OPCML: variants seen among roughly 807,000 people sequenced by gnomAD.
OPCML encodes the protein opioid-binding protein/cell adhesion molecule.
Under a neutral mutation model 37.8 loss-of-function variants are expected in OPCML, and 13 were observed. That is an observed-to-expected ratio of 0.34 (90% confidence interval 0.22 to 0.55). The LOEUF is 0.55. Ranked by LOEUF, OPCML falls within the 20% of genes least tolerant of loss-of-function variation. The pLI, the probability that OPCML is intolerant of heterozygous loss-of-function variation, is 0.91. For synonymous variants in OPCML, 176 were observed against 168.8 expected (o/e 1.04, Z -0.33); for missense variants, 341 against 435.6 (o/e 0.78, Z 1.93).
In OPCML at chr11:132,657,069, G is replaced by A; in HGVS notation, c.379+18C>T. The A allele has an allele frequency of 6.2e-7, 1 of 1,610,764 alleles. No homozygotes were observed. Among genetic ancestry groups the A allele is most frequent in the South Asian group, 1.1e-5 (1 of 90,712 alleles). On this transcript the variant is annotated intron_variant, in intron 3 of 7. Coordinates refer to ENST00000524381, the MANE Select transcript of OPCML (RefSeq NM_001012393.5). ...ATCACTGACGGGAATGGCAACCCCA[G>A]ATCCAGCTGGGACTTACCTTGCACT...
At chr11:133,287,280 T>TTTC (rs1942327394) in intron 1 of OPCML, among the ~76,000 whole-genome samples, 1 of 147,760 alleles carries the variant, frequency 6.8e-6, no homozygotes, top group African/African-American at 2.5e-5. Context: ...TCTTTCTTTT[T>TTTC]TTTTTTTTTT....
chr11:132,698,176 G>A (rs1943670374), intron 2 of OPCML, among the ~76,000 whole-genome samples: 1 of 151,854 alleles, frequency 6.6e-6, no homozygotes, highest in Non-Finnish European at 1.5e-5. Context: ...TAAGATTGCT[G>A]GATCATTTGA....
intron 1 of OPCML, among the ~76,000 whole-genome samples, chr11:133,294,903 A>C (rs1942590884): frequency 7.2e-6 from 1 of 139,292 alleles, no homozygotes; most frequent in Non-Finnish European, 1.5e-5. Context: ...GGCCCACTGC[A>C]ACCTCCGCCT....
At chr11:132,631,709 A>G (rs1940142540) in intron 3 of OPCML, among the ~76,000 whole-genome samples, 1 of 152,020 alleles carries the variant, frequency 6.6e-6, no homozygotes, top group Non-Finnish European at 1.5e-5. Flanking sequence ...AGAAAAATAT[A>G]TTCACATTTA....
intron 3 of OPCML, among the ~76,000 whole-genome samples, chr11:132,645,216 C>A (rs1027512178): frequency 2.0e-5 from 3 of 152,162 alleles, no homozygotes; most frequent in Admixed American, 1.3e-4. Context: ...CTTCTTTATT[C>A]AACAGGCATG....
At chr11:133,279,088 G>A (rs1352797167) in intron 1 of OPCML, among the ~76,000 whole-genome samples, 1 of 152,140 alleles carries the variant, frequency 6.6e-6, no homozygotes, top group Non-Finnish European at 1.5e-5. Flanking sequence ...AGTAGTCCAC[G>A]GCTAATAGGA....
At chr11:132,601,210 C>T (rs1937866443) in intron 3 of OPCML, among the ~76,000 whole-genome samples, 1 of 152,046 alleles carries the variant, frequency 6.6e-6, no homozygotes, top group African/African-American at 2.4e-5. Context: ...AATGGTTTCT[C>T]CTGCTCAGAA....
intron 1 of OPCML, among the ~76,000 whole-genome samples, chr11:133,338,062 A>C (rs918177951): frequency 1.3e-5 from 2 of 151,938 alleles, no homozygotes; most frequent in Non-Finnish European, 2.9e-5. Flanking sequence ...GTTATGGGGG[A>C]AGGGGGCTTT....
intron 1 of OPCML, among the ~76,000 whole-genome samples, chr11:133,438,734 G>T (rs1351246858): frequency 6.6e-6 from 1 of 152,108 alleles, no homozygotes; most frequent in East Asian, 1.9e-4. Context: ...ATAATTAGCC[G>T]GTTGCAACTT....
chr11:133,204,886 A>ATATATGTGTG (rs1555114220), intron 1 of OPCML, among the ~76,000 whole-genome samples: 14 of 42,604 alleles, frequency 3.3e-4, no homozygotes, highest in African/African-American at 7.8e-4. Flanking sequence ...ATATATATAT[A>ATATATGTGTG]TATATATATA....
intron 1 of OPCML, among the ~76,000 whole-genome samples, chr11:133,374,570 G>A (rs775313999): frequency 2.0e-5 from 3 of 152,154 alleles, no homozygotes; most frequent in Non-Finnish European, 4.4e-5. Flanking sequence ...GAATGATTTT[G>A]CCTTTGGCAC....
Position 132,735,763 on chromosome 11 carries a change from G to A in OPCML, c.147-78444C>T, listed in dbSNP as rs541795493. On this transcript the variant is annotated intron_variant, in intron 2 of 7. Transcript: ENST00000524381. ...CTCCCAAAGTGCTGGGATTACAGGC[G>A]TGAGCCACCGCACCTGGCCACAAAA... 3.9e-5 allele frequency among the ~76,000 whole-genome samples: 6 copies of A among 152,250 alleles called. No individual in the cohort carries two copies. In the East Asian group the frequency reaches 7.7e-4, roughly 20 times the overall value.
At chr11:133,001,906 C>T (rs1300837699) in intron 1 of OPCML, among the ~76,000 whole-genome samples, 1 of 152,184 alleles carries the variant, frequency 6.6e-6, no homozygotes, top group Admixed American at 6.5e-5. Context: ...TGCTTCAGTA[C>T]AGAGCAGCTA....
chr11:132,713,290 G>GAA (rs1944342882), intron 2 of OPCML, among the ~76,000 whole-genome samples: 1 of 152,116 alleles, frequency 6.6e-6, no homozygotes, highest in East Asian at 1.9e-4. Context: ...TCCTACAGGT[G>GAA]CAACAGTTCA....
chr11:133,170,516 G>C (rs1950274958), intron 1 of OPCML, among the ~76,000 whole-genome samples: 1 of 149,284 alleles, frequency 6.7e-6, no homozygotes, highest in Non-Finnish European at 1.5e-5. Context: ...ATATAGCAAG[G>C]CTTGAAATCA....
chr11:133,082,184 C>T (rs1274620372), intron 1 of OPCML, among the ~76,000 whole-genome samples: 1 of 151,862 alleles, frequency 6.6e-6, no homozygotes, highest in African/African-American at 2.4e-5. Context: ...CCTCGGCTCC[C>T]CTCCAGCCTC....
At chr11:133,277,504 G>A (rs1941217) in intron 1 of OPCML, among the ~76,000 whole-genome samples, 82,263 of 151,812 alleles carry the variant, frequency 0.54, 23,091 homozygotes, top group East Asian at 0.91. Context: ...TGCAGAAAAA[G>A]TGCTGCAACA....
chr11:133,523,086 T>C (rs923360556), intron 1 of OPCML, among the ~76,000 whole-genome samples: 7 of 152,054 alleles, frequency 4.6e-5, no homozygotes, highest in African/African-American at 1.7e-4. Context: ...ACAGACAGAA[T>C]CCAGAAGACA....
At chr11:133,316,338 C>A (rs1943204077) in intron 1 of OPCML, among the ~76,000 whole-genome samples, 1 of 152,152 alleles carries the variant, frequency 6.6e-6, no homozygotes, top group Non-Finnish European at 1.5e-5. Flanking sequence ...AATGTAGGCA[C>A]CAGCCCCTTT....
Sources: allele counts gnomAD v4.1 joint callset (sites outside exome capture counted in the v4.1 genomes callset), GRCh38; gene constraint gnomAD v4.1.1; transcripts MANE v1.5; gene names NCBI Gene and HGNC (gene_info 2026-07-23, HGNC 2026-07-21).